The following NAA11 variants were observed in gnomAD, a reference collection of about 807,000 sequenced individuals.
NAA11 encodes N-alpha-acetyltransferase 11, NatA catalytic subunit, also known as N-alpha-acetyltransferase 11.
In NAA11, 15 loss-of-function variants were observed where a neutral mutation model predicts 16.1. That is an observed-to-expected ratio of 0.93 (90% CI 0.62 to 1.44). The LOEUF (loss-of-function observed/expected upper bound fraction) is 1.44. Ranked by LOEUF, NAA11 falls within the 40% of genes most tolerant of loss-of-function variation. The pLI, the probability that NAA11 is intolerant of heterozygous loss-of-function variation, is 0.00. For missense variants in NAA11, 298 were observed against 291.3 expected, an observed-to-expected ratio of 1.02 and a Z score of -0.17; for synonymous variants, 122 against 112.4, an observed-to-expected ratio of 1.09 and a Z score of -0.54.
chr4:79,247,542 G>T (rs1012161711), intron 2 of NAA11, among the ~76,000 whole-genome samples: 1 of 152,084 alleles, frequency 6.6e-6, no homozygotes, highest in African/African-American at 2.4e-5. Context: ...GAGACCTTAG[G>T]CTTGGAGGCA....
At chr4:79,259,655 G>T (rs1300026557) in intron 2 of NAA11, among the ~76,000 whole-genome samples, 1 of 152,204 alleles carries the variant, frequency 6.6e-6, no homozygotes, top group Non-Finnish European at 1.5e-5. Context: ...TATCCAGCCA[G>T]AAAGGTGACA....
chr4:79,249,212 T>G (rs954959310), intron 2 of NAA11, among the ~76,000 whole-genome samples: 6 of 152,224 alleles, frequency 3.9e-5, no homozygotes, highest in African/African-American at 1.4e-4. Flanking sequence ...CCAGAGTGTC[T>G]TCTTACCTGC....
At chr4:79,207,458 T>C in the NAA11 span, among the ~76,000 whole-genome samples, 1 of 150,792 alleles carries the variant, frequency 6.6e-6, no homozygotes, top group Non-Finnish European at 1.5e-5. Flanking sequence ...TTTCTTTCAA[T>C]TGCATGCACA....
At chr4:79,212,433 G>T in the NAA11 span, among the ~76,000 whole-genome samples, 1 of 152,030 alleles carries the variant, frequency 6.6e-6, no homozygotes. Flanking sequence ...TAATTGCTAA[G>T]TGAGCACTCA....
chr4:79,250,021 G>C (rs567663322), intron 2 of NAA11, among the ~76,000 whole-genome samples: 1 of 152,370 alleles, frequency 6.6e-6, no homozygotes, highest in Non-Finnish European at 1.5e-5. Flanking sequence ...GGCCCACCCA[G>C]GAGCAGCACA....
At chr4:79,218,794 T>C in the NAA11 span, among the ~76,000 whole-genome samples, 4 of 152,144 alleles carry the variant, frequency 2.6e-5, no homozygotes, top group African/African-American at 4.8e-5. Flanking sequence ...TCAACATAGC[T>C]ACAATCTTGG....
chr4:79,275,686 C>A (rs1328466437), intron 2 of NAA11, among the ~76,000 whole-genome samples: 2 of 152,190 alleles, frequency 1.3e-5, no homozygotes, highest in African/African-American at 4.8e-5. Flanking sequence ...CCTGAAATCT[C>A]AGTGTGCACA....
chr4:79,283,268 A>G (rs1722836308), intron 2 of NAA11, among the ~76,000 whole-genome samples: 2 of 152,100 alleles, frequency 1.3e-5, no homozygotes, highest in Admixed American at 6.6e-5. Flanking sequence ...TAAAATGTCA[A>G]GAAGTTTTTT....
At chr4:79,314,886 C>G (rs1217404178), downstream of NAA11, among the ~76,000 whole-genome samples, 1 of 151,990 alleles carries the variant, frequency 6.6e-6, no homozygotes, top group African/African-American at 2.4e-5. Context: ...ACATTTTATA[C>G]TATATACACT....
At chr4:79,252,607 A>C (rs1722021236) in intron 2 of NAA11, among the ~76,000 whole-genome samples, 1 of 152,232 alleles carries the variant, frequency 6.6e-6, no homozygotes, top group African/African-American at 2.4e-5. Context: ...CTTCTGTAAA[A>C]AGTGAAATTT....
chr4:79,156,656 CACAA>C, the NAA11 span, among the ~76,000 whole-genome samples: 1 of 152,202 alleles, frequency 6.6e-6, no homozygotes, highest in Non-Finnish European at 1.5e-5. Flanking sequence ...AACACCCTCA[CACAA>C]ACAACCAGAA....
the NAA11 span, among the ~76,000 whole-genome samples, chr4:79,213,125 A>G: frequency 1.3e-5 from 2 of 152,188 alleles, no homozygotes; most frequent in African/African-American, 2.4e-5. Context: ...TGAAAGAGCA[A>G]TGTTTTGGGT....
the NAA11 span, among the ~76,000 whole-genome samples, chr4:79,188,323 C>T: frequency 2.6e-5 from 4 of 151,890 alleles, no homozygotes; most frequent in East Asian, 5.8e-4. Context: ...CGGTGGCTCA[C>T]GCCTGTAATC....
At chr4:79,169,434 G>C in the NAA11 span, among the ~76,000 whole-genome samples, 1 of 152,184 alleles carries the variant, frequency 6.6e-6, no homozygotes, top group South Asian at 2.1e-4. Context: ...CAGAATAGAG[G>C]CCTCAGAAGT....
the NAA11 span, among the ~76,000 whole-genome samples, chr4:79,208,420 A>G: frequency 0.12 from 18,246 of 152,178 alleles, 1,337 homozygotes; most frequent in African/African-American, 0.19. Context: ...TCAAGGTTAT[A>G]CTTTCTATAA....
the NAA11 span, among the ~76,000 whole-genome samples, chr4:79,201,285 A>C: frequency 6.6e-6 from 1 of 151,658 alleles, no homozygotes; most frequent in East Asian, 1.9e-4. Flanking sequence ...TGTCAAGAAC[A>C]ATGAATTTCT....
chr4:79,192,414 T>G, the NAA11 span, among the ~76,000 whole-genome samples: 16 of 130,500 alleles, frequency 1.2e-4, 1 homozygote, highest in Middle Eastern at 7.9e-3. Context: ...GTGTGTGATG[T>G]TCCCCTTCCT....
At chr4:79,187,013 G>A in the NAA11 span, among the ~76,000 whole-genome samples, 1 of 152,104 alleles carries the variant, frequency 6.6e-6, no homozygotes, top group Non-Finnish European at 1.5e-5. Context: ...TCTTAGGTAA[G>A]GTTGAGTGCA....
intron 2 of NAA11, among the ~76,000 whole-genome samples, chr4:79,289,708 T>C (rs999913791): frequency 3.9e-5 from 6 of 152,154 alleles, no homozygotes; most frequent in African/African-American, 1.4e-4. Flanking sequence ...GATCATAAAT[T>C]TGTAGTTCTG....
Sources: allele counts gnomAD v4.1 joint callset (sites outside exome capture counted in the v4.1 genomes callset), GRCh38; gene constraint gnomAD v4.1.1; transcripts MANE v1.5; gene names NCBI Gene and HGNC (gene_info 2026-07-23, HGNC 2026-07-21).